PRIM1: variants seen among roughly 807,000 people sequenced by gnomAD.
PRIM1 encodes DNA primase small subunit.
PRIM1 carries 38 observed loss-of-function variants against 60.2 expected under a neutral mutation model. That is an observed-to-expected ratio of 0.63 (90% CI 0.49 to 0.83). The LOEUF is 0.83. PRIM1 is among the 40% of genes least tolerant of loss of function. PRIM1 has a pLI of 0.00. For synonymous variants in PRIM1, 158 were observed against 160.2 expected (o/e 0.99, Z 0.10); for missense variants, 388 against 506.2 (o/e 0.77, Z 2.24).
Position 56,751,018 on chromosome 12 carries a change from A to T in PRIM1, c.261+20T>A. The T allele has an allele frequency of 7.2e-7, 1 of 1,395,484 alleles. No individual in the cohort carries two copies. The highest frequency in any genetic ancestry group is 9.4e-7 in the Non-Finnish European group (1 of 1,058,696). The allele number at this position is 1,395,484 out of a possible 1,614,324, so 86.4% of individuals were successfully genotyped here. A position where few individuals can be genotyped will look rare whatever the true frequency, so the allele number is the denominator to read the frequency against. On this transcript the variant is annotated intron_variant, in intron 2 of 12. Coordinates refer to ENST00000338193, the MANE Select transcript of PRIM1 (RefSeq NM_000946.3). ...TTTACAAAATAAAACAACAAAATAT[A>T]TTAAAAAAAGATTTCTTACTCTGTG...
intron 12 of PRIM1, among the ~76,000 whole-genome samples, chr12:56,733,573 T>G (rs1953800252): frequency 6.6e-6 from 1 of 151,738 alleles, no homozygotes; most frequent in Admixed American, 6.6e-5. Context: ...TGTACTTTTT[T>G]TTTTGTATTA....
At chr12:56,745,008 G>A (rs554868757) in intron 5 of PRIM1, among the ~76,000 whole-genome samples, 1 of 151,910 alleles carries the variant, frequency 6.6e-6, no homozygotes, top group East Asian at 1.9e-4. Context: ...TTGGGAGGCT[G>A]AGACAGGAGA....
chr12:56,742,448 A>G (rs1953879408), intron 7 of PRIM1, among the ~76,000 whole-genome samples: 1 of 152,094 alleles, frequency 6.6e-6, no homozygotes, highest in African/African-American at 2.4e-5. Context: ...GTGTGCCTGC[A>G]GTCCCAGCTA....
intron 6 of PRIM1, among the ~76,000 whole-genome samples, chr12:56,743,357 G>A (rs1011240038): frequency 6.6e-6 from 1 of 152,146 alleles, no homozygotes; most frequent in Non-Finnish European, 1.5e-5. Context: ...AACTTAGAAG[G>A]TTAATATACG....
In PRIM1 at chr12:56,751,191, T is replaced by C. The variant is rs1953952916; in HGVS notation, c.108A>G (p.Ile36Met). 1.3e-6 allele frequency: 2 copies of C among 1,535,238 alleles called. No individual in the cohort carries two copies. Among genetic ancestry groups the C allele is most frequent in the Admixed American group, 2.1e-5 (1 of 47,740 alleles). ...YYRWLNYGGV[I>M]KNYFQHREFS... ...ATTCACGGTGTTGAAAGTAATTCTTTATCACTGCAAAATAAATGTACATTT... is the reference window on the plus strand; with the variant it reads ...ATTCACGGTGTTGAAAGTAATTCTTCATCACTGCAAAATAAATGTACATTT... The change falls in exon 2 of 13, where the codon ATA becomes ATG. Residue 36 changes from isoleucine (I) to methionine (M), a missense_variant. Physicochemically the swap from Ile to Met is conservative, Grantham distance 10 (BLOSUM62 1). Around this residue, in one of 3 missense-constraint regions of PRIM1, gnomAD observed 156 missense variants for 175.8 expected, o/e 0.89. Coordinates refer to ENST00000338193, the MANE Select transcript of PRIM1 (RefSeq NM_000946.3).
At chr12:56,744,190 C>A in intron 5 of PRIM1, 67 bp from the exon 6 acceptor site, 1 of 1,240,502 alleles carries the variant, frequency 8.1e-7, no homozygotes, top group Non-Finnish European at 1.1e-6. Context: ...TGCAGCATAA[C>A]GACATTTTAG....
At chr12:56,737,976 C>T (rs1472871708) in intron 11 of PRIM1, among the ~76,000 whole-genome samples, 4 of 151,462 alleles carry the variant, frequency 2.6e-5, no homozygotes, top group Non-Finnish European at 5.9e-5. Flanking sequence ...TTGCCTGCCT[C>T]GGCCTCCCAA....
At chr12:56,733,609 A>C (rs1409122974) in intron 12 of PRIM1, among the ~76,000 whole-genome samples, 1 of 132,914 alleles carries the variant, frequency 7.5e-6, no homozygotes, top group East Asian at 2.2e-4. Context: ...TTTTTTTTTG[A>C]GATGGAGTCT....
intron 11 of PRIM1, among the ~76,000 whole-genome samples, chr12:56,735,796 G>A (rs376142519): frequency 7.3e-4 from 110 of 150,958 alleles, no homozygotes; most frequent in Middle Eastern, 6.9e-3. Context: ...GATTATAGGC[G>A]CCCGCCACGA....
At position 56,751,162 on chromosome 12, in the gene PRIM1, GA is replaced by G. The variant is rs948917984; in HGVS notation, c.136del (p.Ser46HisfsTer4). On this transcript the variant is annotated frameshift_variant, in exon 2 of 13. Coordinates refer to ENST00000338193, the MANE Select transcript of PRIM1 (RefSeq NM_000946.3). LOFTEE classifies it high-confidence loss of function. ...IKNYFQHREF[S>X]FTLKDDIYIR... ...GTAAATATCATCTTTCAATGTGAAT[GA>G]AAATTCACGGTGTTGAAAGTAATTC... The G allele has an allele frequency of 2.6e-6, 4 of 1,558,030 alleles. No homozygotes were observed. The highest frequency in any genetic ancestry group is 2.7e-5 in the African/African-American group (2 of 73,532).
intron 9 of PRIM1, among the ~76,000 whole-genome samples, chr12:56,740,049 T>C (rs529573349): frequency 3.3e-5 from 5 of 151,918 alleles, no homozygotes; most frequent in African/African-American, 9.7e-5. Context: ...AGGCAGAGAA[T>C]TGCTTGAACC....
chr12:56,748,935 AAG>A (rs1953927403), intron 2 of PRIM1, among the ~76,000 whole-genome samples: 1 of 150,210 alleles, frequency 6.7e-6, no homozygotes, highest in Non-Finnish European at 1.5e-5. Context: ...CAGCCTGGGC[AAG>A]AGAGCTAGAC....
At chr12:56,750,519 A>G (rs1270367191) in intron 2 of PRIM1, among the ~76,000 whole-genome samples, 1 of 151,536 alleles carries the variant, frequency 6.6e-6, no homozygotes, top group African/African-American at 2.4e-5. Flanking sequence ...TGACCTCAAT[A>G]AAAATAAACA....
chr12:56,735,505 C>T (rs1953820870), intron 11 of PRIM1, among the ~76,000 whole-genome samples: 1 of 152,208 alleles, frequency 6.6e-6, no homozygotes, highest in African/African-American at 2.4e-5. Flanking sequence ...AATGATCCTC[C>T]CACCTCAGCC....
At chr12:56,741,871 G>T in intron 7 of PRIM1, 34 bp from the exon 8 acceptor site, 1 of 1,540,290 alleles carries the variant, frequency 6.5e-7, no homozygotes, top group Non-Finnish European at 9.0e-7. Flanking sequence ...CTCATTTAGG[G>T]AACATCAATG....
chr12:56,751,044 A>T lies in PRIM1; in HGVS notation c.255T>A (p.Ser85=). Residue 85 remains serine (S), a synonymous_variant, in exon 2 of 13, where the codon TCT becomes TCA. Coordinates refer to ENST00000338193, the MANE Select transcript of PRIM1 (RefSeq NM_000946.3). ...TTAAAAAAAGATTTCTTACTCTGTG[A>T]GAATATACTGCGCCTATATCAATCT... ...PYKIDIGAVY[S]HRPNQHNTVK... 1 of 1,493,126 alleles carries T rather than the reference A, an allele frequency of 6.7e-7. No homozygotes were observed. Among genetic ancestry groups the T allele is most frequent in the Non-Finnish European group, 8.9e-7 (1 of 1,118,296 alleles). The allele number at this position is 1,493,126 out of a possible 1,614,324, so 92.5% of individuals were successfully genotyped here.
chr12:56,746,671 CACACAA>C (rs774304944), intron 4 of PRIM1, 104 bp downstream of exon 4: 85,477 of 631,426 alleles, frequency 0.14, 5,808 homozygotes, highest in South Asian at 0.19. Flanking sequence ...CACACACACA[CACACAA>C]ATTAATGAGA....
At position 56,731,629 on chromosome 12, in the gene PRIM1, C is replaced by A; in HGVS notation, c.*86G>T. ...TGAGGTTTAAGACACATATATAGTT[C>A]TGCCATATTTATTAAATGGCTCTTG... On this transcript the variant is annotated 3_prime_UTR_variant, in exon 13 of 13. Transcript: ENST00000338193. The A allele has an allele frequency of 1.7e-6, 2 of 1,211,832 alleles. No individual in the cohort carries two copies. Among genetic ancestry groups the A allele is most frequent in the South Asian group, 2.8e-5 (2 of 70,666 alleles). The allele number at this position is 1,211,832 out of a possible 1,614,324, so 75.1% of individuals were successfully genotyped here.
chr12:56,737,977 G>A (rs926273490), intron 11 of PRIM1, among the ~76,000 whole-genome samples: 2 of 152,040 alleles, frequency 1.3e-5, no homozygotes, highest in Admixed American at 6.6e-5. Flanking sequence ...TGCCTGCCTC[G>A]GCCTCCCAAA....
Sources: gnomAD v4.1 joint callset for allele counts (sites outside exome capture counted in the v4.1 genomes callset) on GRCh38, gnomAD v4.1.1 for gene constraint, gnomAD v4.1.1 regional missense constraint, MANE v1.5 for transcripts, NCBI Gene and HGNC (gene_info 2026-07-23, HGNC 2026-07-21) for gene names.